SP140: variants seen among roughly 807,000 people sequenced by gnomAD.
The protein encoded by SP140 is SP140 nuclear body protein, also known as nuclear body protein SP140.
A neutral mutation model predicts 125.0 loss-of-function variants in SP140; 81 were observed. That is an observed-to-expected ratio of 0.65 (90% CI 0.54 to 0.78). SP140 has a LOEUF of 0.78. SP140 is among the 30% of genes least tolerant of loss of function. The pLI is 0.00. For missense variants in SP140, 858 were observed against 1,037.0 expected, an observed-to-expected ratio of 0.83 and a Z score of 2.37; for synonymous variants, 312 against 354.0, an observed-to-expected ratio of 0.88 and a Z score of 1.33.
chr2:230,288,689 G>C (rs1042543823), intron 18 of SP140, among the ~76,000 whole-genome samples: 1 of 151,836 alleles, frequency 6.6e-6, no homozygotes, highest in East Asian at 1.9e-4. Context: ...CTTATTGTTC[G>C]ACTTCCACTT....
upstream of SP140, chr2:230,200,828 C>G (rs1355856009): frequency 7.8e-7 from 1 of 1,282,794 alleles, no homozygotes; most frequent in African/African-American, 1.5e-5. Context: ...TGTAAGACAG[C>G]TCTGAATTTA....
intron 1 of SP140, among the ~76,000 whole-genome samples, chr2:230,208,242 G>A (rs1050834916): frequency 1.3e-5 from 2 of 152,180 alleles, no homozygotes; most frequent in Admixed American, 1.3e-4. Context: ...AGAGGAAAAG[G>A]AGAAACGAAG....
chr2:230,200,893 A>G (rs200263454), upstream of SP140: 21 of 1,611,848 alleles, frequency 1.3e-5, no homozygotes, highest in South Asian at 2.3e-4. Flanking sequence ...ACCTTGTGTG[A>G]CCCTTCGTGG....
At chr2:230,315,878 A>G, downstream of SP140, among the ~76,000 whole-genome samples, 1 of 152,208 alleles carries the variant, frequency 6.6e-6, no homozygotes, top group East Asian at 1.9e-4. Context: ...AGTAGCCCCA[A>G]TTATAGTTGC....
At chr2:230,219,733 A>G (rs757350596) in intron 3 of SP140, 2 of 168,374 alleles carry the variant, frequency 1.2e-5, no homozygotes, top group Non-Finnish European at 1.2e-5. Flanking sequence ...CAGTCTCCTA[A>G]TAAGTACCAC....
At chr2:230,209,471 C>G (rs1422743782) in intron 1 of SP140, among the ~76,000 whole-genome samples, 1 of 152,154 alleles carries the variant, frequency 6.6e-6, no homozygotes, top group South Asian at 2.1e-4. Context: ...ATGGTTAAGA[C>G]TCAAAGGAGA....
intron 12 of SP140, among the ~76,000 whole-genome samples, chr2:230,257,839 G>GT (rs2051497762): frequency 6.6e-6 from 1 of 151,952 alleles, no homozygotes; most frequent in African/African-American, 2.4e-5. Flanking sequence ...TTCAGTTAAG[G>GT]GATAGTTGTG....
chr2:230,255,544 G>C lies in SP140; in HGVS notation c.1240+12G>C, dbSNP rs546444329. ...AAGACGTGGGTCAGGTAAGGACGGG[G>C]GGGGGGATTTCTGGCCCTGGGCTGC... On this transcript the variant is annotated intron_variant, in intron 12 of 26. Coordinates refer to ENST00000392045, the MANE Select transcript of SP140 (RefSeq NM_007237.5). 1,924 of 1,610,248 alleles carry C rather than the reference G, an allele frequency of 1.2e-3. 9 individuals are homozygous for C. The African/African-American group carries it at 0.013, about 11-fold the overall frequency.
rs146823671 is a variant in SP140, at chr2:230,205,794, T to TATG, written c.-323+2516_-323+2518dup. Among the ~76,000 whole-genome samples, 741 of 152,334 alleles carry TATG rather than the reference T, an allele frequency of 4.9e-3. 5 individuals carry two copies. The highest frequency in any genetic ancestry group is 0.016 in the African/African-American group (663 of 41,570). On this transcript the variant is annotated intron_variant, in intron 1 of 4. Coordinates refer to the SP140 transcript ENST00000456542. ...CAAAGACGCCCAGTGTGCAGCTGGC[T>TATG]ATGTGTTTCTTGAAGACAAACCTGA...
At chr2:230,292,440 G>T (rs1253607920) in intron 19 of SP140, among the ~76,000 whole-genome samples, 6 of 152,230 alleles carry the variant, frequency 3.9e-5, no homozygotes, top group Admixed American at 3.9e-4. Flanking sequence ...GAAGGTCAAA[G>T]AAATGTGCAC....
intron 8 of SP140, among the ~76,000 whole-genome samples, chr2:230,248,290 A>G (rs1208465033): frequency 6.6e-6 from 1 of 152,232 alleles, no homozygotes; most frequent in Non-Finnish European, 1.5e-5. Flanking sequence ...GGATATTATC[A>G]CAAAGGCAAA....
In SP140 at chr2:230,237,700, T is replaced by C. The variant is rs1056653159; in HGVS notation, c.237+440T>C. 3.7e-5 allele frequency: 6 copies of C among 160,794 alleles called. No individual in the cohort carries two copies. Among genetic ancestry groups the C allele is most frequent in the African/African-American group, 1.4e-4 (6 of 41,598 alleles). 10.0% of individuals were successfully genotyped at this position (160,794 alleles called of 1,614,324 possible). A position where few individuals can be genotyped will look rare whatever the true frequency, so the allele number is the denominator to read the frequency against. ...GCTTGCTACTGTCTCTCCAAATCAT[T>C]GTTTGATCTTTGGACATTTCTAGAG... On this transcript the variant is annotated intron_variant, in intron 2 of 26. Transcript: ENST00000392045. The surrounding 1 kb of genome is among the most constrained non-coding windows in gnomAD (Gnocchi z 5.4).
chr2:230,293,228 G>GT (rs898636817), intron 20 of SP140, among the ~76,000 whole-genome samples: 12 of 152,252 alleles, frequency 7.9e-5, no homozygotes, highest in Admixed American at 7.8e-4. Context: ...ATTGGGGCAG[G>GT]TTGTGCAGGG....
rs528915672 is a variant in SP140, at chr2:230,254,090, C to G, written c.1159+673C>G. Among the ~76,000 whole-genome samples, 4 of 152,018 alleles carry G rather than the reference C, an allele frequency of 2.6e-5. No individual in the cohort carries two copies. The East Asian group carries it at 7.7e-4, about 29-fold the overall frequency. On this transcript the variant is annotated intron_variant, in intron 11 of 26. Coordinates refer to ENST00000392045, the MANE Select transcript of SP140 (RefSeq NM_007237.5). ...GATAATCTCGATAAGAAATAAGAGG[C>G]AGAGAGAAAAGTTAAGAGAAAATTA... is the stretch of plus-strand genomic sequence containing the variant.
rs2044474944 is a variant in SP140 at position 230,211,511 on chromosome 2, T to C, written c.-322-2143T>C. ...GGGAGAGTGGGGCATCTCTTGAGGG[T>C]CTTCTTTATCTCTTATTTGGGGGAT... On this transcript the variant is annotated intron_variant, in intron 1 of 4. Coordinates refer to the SP140 transcript ENST00000456542. The surrounding 1 kb of genome is among the most constrained non-coding windows in gnomAD (Gnocchi z 4.2). 1 of 1,612,326 alleles carries C rather than the reference T, an allele frequency of 6.2e-7. No homozygotes were observed. The highest frequency in any genetic ancestry group is 8.5e-7 in the Non-Finnish European group (1 of 1,178,372).
chr2:230,282,911 T>C (rs972821562), intron 15 of SP140, among the ~76,000 whole-genome samples: 1 of 152,190 alleles, frequency 6.6e-6, no homozygotes, highest in Non-Finnish European at 1.5e-5. Flanking sequence ...CCCAGTTCTG[T>C]TTATCCTTGA....
intron 15 of SP140, among the ~76,000 whole-genome samples, chr2:230,274,642 A>T (rs933617175): frequency 6.6e-6 from 1 of 152,176 alleles, no homozygotes; most frequent in African/African-American, 2.4e-5. Context: ...CACTAAATTT[A>T]TGGTAATTTA....
At chr2:230,310,079 G>T (rs867832814) in intron 23 of SP140, 40 bp downstream of exon 23, 2 of 1,597,410 alleles carry the variant, frequency 1.3e-6, no homozygotes, top group Non-Finnish European at 8.6e-7. Flanking sequence ...GTCCTTTAAG[G>T]GATCTTCCAC....
chr2:230,212,937 G>C (rs768753285), intron 1 of SP140: 1 of 1,614,040 alleles, frequency 6.2e-7, no homozygotes, highest in South Asian at 1.1e-5. Context: ...CAGCGCCAGT[G>C]GGGTATGGAG....
Sources: allele counts gnomAD v4.1 joint callset (sites outside exome capture counted in the v4.1 genomes callset), GRCh38; gene constraint gnomAD v4.1.1; non-coding constraint Gnocchi (gnomAD v3.1); transcripts MANE v1.5; gene names NCBI Gene and HGNC (gene_info 2026-07-23, HGNC 2026-07-21).